Variants in DRC3 observed in about 807,000 individuals in gnomAD.
The protein encoded by DRC3 is dynein regulatory complex subunit 3.
DRC3 carries 45 observed loss-of-function variants against 57.6 expected under a neutral mutation model. The ratio of observed to expected loss-of-function variants is 0.78; its 90% CI spans 0.62 to 1.00. The LOEUF (loss-of-function observed/expected upper bound fraction) is 1.00. Among genes scored for constraint, DRC3 ranks in the 50% least tolerant of loss-of-function variants. The probability of loss-of-function intolerance (pLI) is 0.00; values close to 1 mark genes in which losing one functional copy is unlikely to be tolerated. For missense variants in DRC3, 655 were observed against 675.2 expected, an observed-to-expected ratio of 0.97 and a Z score of 0.33; for synonymous variants, 257 against 272.3, an observed-to-expected ratio of 0.94 and a Z score of 0.55.
At chr17:17,984,280 A>T (rs2042853646) in intron 4 of DRC3, among the ~76,000 whole-genome samples, 1 of 152,194 alleles carries the variant, frequency 6.6e-6, no homozygotes. Flanking sequence ...AACCATCGAC[A>T]GGTAACCATT....
At chr17:18,016,480 T>C in intron 13 of DRC3, 78 bp from the exon 14 acceptor site, 4 of 1,087,672 alleles carry the variant, frequency 3.7e-6, no homozygotes, top group Non-Finnish European at 5.5e-6. Flanking sequence ...TATTTTCCCC[T>C]TCCCTCAAAC....
At chr17:18,016,337 T>C (rs1448136601) in intron 13 of DRC3, 142 bp downstream of exon 13, 8 of 1,004,254 alleles carry the variant, frequency 8.0e-6, no homozygotes, top group Non-Finnish European at 1.2e-5. Flanking sequence ...AATTCCACAC[T>C]GAAGACAACA....
At position 17,977,662 on chromosome 17, in the gene DRC3, G is replaced by A. The variant is rs746958523; in HGVS notation, c.64G>A (p.Val22Ile). 1.7e-5 allele frequency: 27 copies of A among 1,613,846 alleles called. No homozygotes were observed. Among genetic ancestry groups the A allele is most frequent in the Middle Eastern group, 3.3e-4 (2 of 6,074 alleles). Residue 22 changes from valine (V) to isoleucine (I), a missense_variant, in exon 3 of 14, where the codon GTC becomes ATC. Val to Ile is a conservative substitution (Grantham distance 29). Transcript: ENST00000399187. The part of the protein sequence containing the change: ...VMDDDMLKLA[V>I]GDQGPQEEAG... ...GGACGATGACATGCTCAAGCTGGCCGTCGGGGACCAGGGCCCCCAGGAGGA... is the reference window on the plus strand; with the variant it reads ...GGACGATGACATGCTCAAGCTGGCCATCGGGGACCAGGGCCCCCAGGAGGA...
intron 5 of DRC3, among the ~76,000 whole-genome samples, chr17:17,989,170 GAA>G (rs2043106293): frequency 6.6e-6 from 1 of 152,194 alleles, no homozygotes; most frequent in Non-Finnish European, 1.5e-5. Flanking sequence ...CCAGCAGAAG[GAA>G]AAGGCTTCCC....
At chr17:18,007,698 G>A (rs1445761795) in intron 12 of DRC3, 37 of 1,311,154 alleles carry the variant, frequency 2.8e-5, no homozygotes, top group Non-Finnish European at 3.5e-5. Context: ...GCTGGGTCCC[G>A]CGGCAGCATG....
intron 12 of DRC3, chr17:18,010,919 G>T: frequency 1.1e-5 from 3 of 270,888 alleles, no homozygotes; most frequent in East Asian, 1.2e-4. Context: ...TTTTTCCTGG[G>T]GGCCTCTCTC....
chr17:17,990,859 C>T (rs551003424), intron 5 of DRC3, among the ~76,000 whole-genome samples: 50 of 152,112 alleles, frequency 3.3e-4, no homozygotes, highest in Admixed American at 7.2e-4. Flanking sequence ...GGTGTGGTGG[C>T]GGGTGCCTGT....
At position 18,007,325 on chromosome 17, in the gene DRC3, C is replaced by T. The variant is rs1303119475; in HGVS notation, c.1326+178C>T. ...GCAGATAAAATAGGCTAACAAAGCA[C>T]CTGGTGGGGCACCCAGTGGGGCCCA... is the stretch of plus-strand genomic sequence containing the variant. On this transcript the variant is annotated intron_variant, in intron 12 of 13. Coordinates refer to ENST00000399187, the MANE Select transcript of DRC3 (RefSeq NM_031294.4). The T allele has an allele frequency of 4.9e-6, 7 of 1,435,928 alleles. No individual in the cohort carries two copies. In the Admixed American group the frequency reaches 1.2e-4, roughly 24 times the overall value. The allele number at this position is 1,435,928 out of a possible 1,614,324, so 88.9% of individuals were successfully genotyped here.
chr17:17,996,024 T>C (rs968775638), intron 8 of DRC3, among the ~76,000 whole-genome samples: 3 of 152,162 alleles, frequency 2.0e-5, no homozygotes, highest in African/African-American at 4.8e-5. Context: ...GGTTTTTTTG[T>C]TTTTTTGTTT....
rs1408842823 is a variant in DRC3, at chr17:18,015,776, G to A, written c.1327-288G>A. ...ATGTCCTGGGTGAGGTGCCCCCTGGGCAGCCATCTGCCTTCACCCTGGAGG... is the reference window on the plus strand; with the variant it reads ...ATGTCCTGGGTGAGGTGCCCCCTGGACAGCCATCTGCCTTCACCCTGGAGG... On this transcript the variant is annotated intron_variant, in intron 12 of 13. Coordinates refer to ENST00000399187, the MANE Select transcript of DRC3 (RefSeq NM_031294.4). The A allele has an allele frequency of 1.4e-4, 46 of 328,038 alleles. 1 individual carries two copies. In the Admixed American group the frequency reaches 1.8e-3, roughly 13 times the overall value. 20.3% of individuals were successfully genotyped at this position (328,038 alleles called of 1,614,324 possible).
rs77437388 is a variant in DRC3 at position 18,009,710 on chromosome 17, C to T, written c.1326+2563C>T. ...AAGATGGGGATGTTCAGAGGAGGGACTAGGGCTGTGGGTGAAAAAAACCTG... is the reference window on the plus strand; with the variant it reads ...AAGATGGGGATGTTCAGAGGAGGGATTAGGGCTGTGGGTGAAAAAAACCTG... On this transcript the variant is annotated intron_variant, in intron 12 of 13. Coordinates refer to ENST00000399187, the MANE Select transcript of DRC3 (RefSeq NM_031294.4). Among the ~76,000 whole-genome samples the T allele has an allele frequency of 5.3e-3, 806 of 152,252 alleles. 5 individuals are homozygous for T. The highest frequency in any genetic ancestry group is 0.031 in the East Asian group (160 of 5,172).
intron 9 of DRC3, among the ~76,000 whole-genome samples, chr17:18,003,484 TAAAAAAAAAAAAAAAAAAAAA>T (rs71155309): frequency 3.3e-5 from 1 of 30,106 alleles, no homozygotes; most frequent in South Asian, 2.8e-3. Context: ...ACTACGTCTT[TAAAAAAAAAAAAAAAAAAAAA>T]AAAAAAAAAA....
At chr17:17,976,461 C>T (rs562984173) in intron 2 of DRC3, among the ~76,000 whole-genome samples, 2 of 152,272 alleles carry the variant, frequency 1.3e-5, no homozygotes, top group East Asian at 3.9e-4. Context: ...AGGTGGATCA[C>T]CTGAGGTCAG....
In DRC3 at chr17:17,991,284, C is replaced by CTTTT. The variant is rs751138192; in HGVS notation, c.445-1460_445-1457dup. ...CTAGATGCTATCCAATGAAGTATTGCTTTTTTTTTTTTTTTTTTTTTTTTG... is the reference window on the plus strand; with the variant it reads ...CTAGATGCTATCCAATGAAGTATTGCTTTTTTTTTTTTTTTTTTTTTTTTTTTTG... On this transcript the variant is annotated intron_variant, in intron 5 of 13. Coordinates refer to ENST00000399187, the MANE Select transcript of DRC3 (RefSeq NM_031294.4). 2.7e-3 allele frequency among the ~76,000 whole-genome samples: 199 copies of CTTTT among 74,012 alleles called. 3 individuals carry two copies. The highest frequency in any genetic ancestry group is 0.014 in the Middle Eastern group (1 of 74). 48.6% of individuals were successfully genotyped at this position (74,012 alleles called of 152,430 possible). A position where few individuals can be genotyped will look rare whatever the true frequency, so the allele number is the denominator to read the frequency against.
chr17:18,002,585 TG>T (rs2043782267), intron 9 of DRC3, among the ~76,000 whole-genome samples: 1 of 152,224 alleles, frequency 6.6e-6, no homozygotes, highest in Non-Finnish European at 1.5e-5. Context: ...CCTCAAAGAC[TG>T]GAACTGTCTT....
chr17:17,973,633 T>A (rs1278641975), intron 1 of DRC3: 1 of 152,160 alleles, frequency 6.6e-6, no homozygotes, highest in Non-Finnish European at 1.5e-5. Context: ...TTTATTTATT[T>A]ATTTATTTTT....
intron 12 of DRC3, among the ~76,000 whole-genome samples, chr17:18,014,747 G>T (rs2044293765): frequency 6.6e-6 from 1 of 152,184 alleles, no homozygotes; most frequent in Non-Finnish European, 1.5e-5. Context: ...CACTGTGGTT[G>T]TAGTTATCTC....
intron 4 of DRC3, 31 bp from the exon 5 acceptor site, chr17:17,987,901 G>GCAGA (rs1441013073): frequency 6.2e-7 from 1 of 1,608,740 alleles, no homozygotes; most frequent in Non-Finnish European, 8.5e-7. Context: ...GACCCAGGCA[G>GCAGA]CAGACCCTCA....
intron 3 of DRC3, among the ~76,000 whole-genome samples, chr17:17,982,137 C>T (rs1368270618): frequency 4.0e-5 from 6 of 151,140 alleles, no homozygotes; most frequent in African/African-American, 1.5e-4. Flanking sequence ...GGATTACAAG[C>T]GCGTGTCACC....
Sources: allele counts gnomAD v4.1 joint callset (sites outside exome capture counted in the v4.1 genomes callset), GRCh38; gene constraint gnomAD v4.1.1; transcripts MANE v1.5; gene names NCBI Gene and HGNC (gene_info 2026-07-23, HGNC 2026-07-21).